Variants in LSAMP observed in about 807,000 individuals in gnomAD.
LSAMP encodes the protein limbic system associated membrane protein.
A neutral mutation model predicts 38.6 loss-of-function variants in LSAMP; 7 were observed. The observed-to-expected ratio is 0.18, with a 90% CI of 0.10 to 0.34. The LOEUF (loss-of-function observed/expected upper bound fraction) is 0.34. Among genes scored for constraint, LSAMP ranks in the 10% least tolerant of loss-of-function variants. LSAMP has a pLI of 1.00. For synonymous variants in LSAMP, 154 were observed against 166.8 expected, an observed-to-expected ratio of 0.92 and a Z score of 0.59; for missense variants, 313 against 420.0, an observed-to-expected ratio of 0.75 and a Z score of 2.23.
At chr3:116,394,538 A>G (rs60148139) in intron 1 of LSAMP, among the ~76,000 whole-genome samples, 11,513 of 152,200 alleles carry the variant, frequency 0.076, 465 homozygotes, top group African/African-American at 0.1. Flanking sequence ...CGTGTAACAG[A>G]TGCCAACCTG....
Position 116,035,399 on chromosome 3 carries a change from A to T in LSAMP, c.389-15759T>A, listed in dbSNP as rs146074367. 4.6e-3 allele frequency among the ~76,000 whole-genome samples: 696 copies of T among 152,298 alleles called. 6 individuals are homozygous for T. The highest frequency in any genetic ancestry group is 0.016 in the African/African-American group (677 of 41,546). ...TAACCTGGAGTAATAGAAATGTTTC[A>T]CTTACACTGGACAAAGGGAACATCA... On this transcript the variant is annotated intron_variant, in intron 2 of 6. Transcript: ENST00000490035.
At chr3:116,249,774 C>G (rs1460952888) in intron 1 of LSAMP, among the ~76,000 whole-genome samples, 3 of 152,000 alleles carry the variant, frequency 2.0e-5, no homozygotes, top group Non-Finnish European at 1.5e-5. Flanking sequence ...ATAATAGACC[C>G]CATTAGATCA....
intron 3 of LSAMP, among the ~76,000 whole-genome samples, chr3:115,965,652 T>G (rs147273610): frequency 2.4e-3 from 366 of 150,408 alleles, no homozygotes; most frequent in African/African-American, 8.5e-3. Flanking sequence ...AGGGTTATTT[T>G]CTATATGAAT....
At chr3:116,260,424 A>G (rs1008543428) in intron 1 of LSAMP, among the ~76,000 whole-genome samples, 2 of 151,902 alleles carry the variant, frequency 1.3e-5, no homozygotes, top group Admixed American at 6.6e-5. Flanking sequence ...ATGAACTGCT[A>G]TATTAACTTA....
chr3:115,939,540 C>CTTTG, intron 3 of LSAMP, among the ~76,000 whole-genome samples: 1 of 79,526 alleles, frequency 1.3e-5, no homozygotes, highest in African/African-American at 3.7e-5. Context: ...CTCTTTCTTT[C>CTTTG]TTTCTTTCTT....
At chr3:116,271,319 C>T (rs1046159807) in intron 1 of LSAMP, among the ~76,000 whole-genome samples, 1 of 151,818 alleles carries the variant, frequency 6.6e-6, no homozygotes, top group African/African-American at 2.4e-5. Flanking sequence ...AATGAAAGTC[C>T]AGCTTCTCTT....
At chr3:116,064,579 G>A (rs915256160) in intron 2 of LSAMP, among the ~76,000 whole-genome samples, 1 of 150,072 alleles carries the variant, frequency 6.7e-6, no homozygotes. Context: ...GTAAAGCATA[G>A]CCCATATGTG....
At chr3:116,444,099 T>G (rs1350464563) in intron 1 of LSAMP, among the ~76,000 whole-genome samples, 2 of 152,132 alleles carry the variant, frequency 1.3e-5, no homozygotes, top group Admixed American at 1.3e-4. Flanking sequence ...ATAATCAATT[T>G]GAAATATCCA....
chr3:115,848,432 A>G (rs1935228915), intron 4 of LSAMP, among the ~76,000 whole-genome samples: 1 of 152,218 alleles, frequency 6.6e-6, no homozygotes, highest in Admixed American at 6.5e-5. Context: ...TCAAAAACAA[A>G]CAAACAAAAA....
intron 1 of LSAMP, among the ~76,000 whole-genome samples, chr3:116,205,783 T>C (rs375734293): frequency 1.2e-5 from 1 of 81,292 alleles, no homozygotes; most frequent in East Asian, 3.6e-4. Context: ...AGCTTTTTGA[T>C]GTGCTGCTGG....
At chr3:115,999,411 C>T (rs1439998071) in intron 3 of LSAMP, among the ~76,000 whole-genome samples, 2 of 152,142 alleles carry the variant, frequency 1.3e-5, no homozygotes, top group African/African-American at 4.8e-5. Context: ...AAACCTAAAG[C>T]ACAAAATAGC....
chr3:116,046,094 T>G (rs1941282517), intron 2 of LSAMP, among the ~76,000 whole-genome samples: 1 of 152,204 alleles, frequency 6.6e-6, no homozygotes, highest in Non-Finnish European at 1.5e-5. Flanking sequence ...TCATTCTTCA[T>G]CCATAAAAAT....
intron 1 of LSAMP, among the ~76,000 whole-genome samples, chr3:116,345,031 A>ACATATTTGATTT (rs1286384038): frequency 6.6e-6 from 1 of 152,178 alleles, no homozygotes; most frequent in East Asian, 1.9e-4. Context: ...TGATTTGTTT[A>ACATATTTGATTT]GCACATATTT....
chr3:116,314,222 A>C (rs921729378), intron 1 of LSAMP, among the ~76,000 whole-genome samples: 2 of 152,226 alleles, frequency 1.3e-5, no homozygotes, highest in African/African-American at 4.8e-5. Flanking sequence ...AACATCTAAT[A>C]ATTATATAAC....
chr3:115,889,624 C>T lies in LSAMP; in HGVS notation c.515-37007G>A, dbSNP rs993904382. 3.3e-5 allele frequency among the ~76,000 whole-genome samples: 5 copies of T among 151,910 alleles called. No individual in the cohort carries two copies. The South Asian group carries it at 6.2e-4, about 19-fold the overall frequency. On this transcript the variant is annotated intron_variant, in intron 3 of 6. Coordinates refer to ENST00000490035, the MANE Select transcript of LSAMP (RefSeq NM_002338.5). The stretch of plus-strand genomic sequence containing the variant: ...GGAGAAGATGGCATTGGAGTATCAG[C>T]GGAATGACCTTTGAGAGTAAAAACT...
At chr3:116,030,011 A>C (rs1940883336) in intron 2 of LSAMP, among the ~76,000 whole-genome samples, 1 of 152,148 alleles carries the variant, frequency 6.6e-6, no homozygotes, top group African/African-American at 2.4e-5. Flanking sequence ...AAATAACTTA[A>C]ACATGGTAGC....
chr3:116,285,231 T>C (rs1385526362), intron 1 of LSAMP, among the ~76,000 whole-genome samples: 3 of 152,148 alleles, frequency 2.0e-5, no homozygotes, highest in Non-Finnish European at 4.4e-5. Flanking sequence ...CCCATATCAC[T>C]GTTCTGCAAT....
At chr3:115,910,013 G>A (rs924948499) in intron 3 of LSAMP, among the ~76,000 whole-genome samples, 3 of 152,136 alleles carry the variant, frequency 2.0e-5, no homozygotes, top group African/African-American at 4.8e-5. Flanking sequence ...TATCAGTGTT[G>A]TTGGTCTCAA....
intron 3 of LSAMP, among the ~76,000 whole-genome samples, chr3:115,853,723 G>A (rs1258996594): frequency 1.3e-5 from 2 of 152,072 alleles, no homozygotes; most frequent in African/African-American, 4.8e-5. Flanking sequence ...AAAGGCCCAA[G>A]GACTTCAACT....
Sources: allele counts gnomAD v4.1 joint callset (sites outside exome capture counted in the v4.1 genomes callset), GRCh38; gene constraint gnomAD v4.1.1; transcripts MANE v1.5; gene names NCBI Gene and HGNC (gene_info 2026-07-23, HGNC 2026-07-21).